HERC3: variants seen among roughly 807,000 people sequenced by gnomAD.
The protein encoded by HERC3 is probable E3 ubiquitin-protein ligase HERC3.
A neutral mutation model predicts 129.9 loss-of-function variants in HERC3; 58 were observed. The ratio of observed to expected loss-of-function variants is 0.45; its 90% CI spans 0.36 to 0.56. The LOEUF (loss-of-function observed/expected upper bound fraction) is 0.56, where lower values mean the gene tolerates loss of function less well. Among genes scored for constraint, HERC3 ranks in the 20% least tolerant of loss-of-function variants. The pLI, the probability that HERC3 is intolerant of heterozygous loss-of-function variation, is 0.00. For synonymous variants in HERC3, 430 were observed against 451.0 expected (o/e 0.95, Z 0.59); for missense variants, 835 against 1,244.2 (o/e 0.67, Z 4.95).
the HERC3 span, among the ~76,000 whole-genome samples, chr4:88,542,243 A>G: frequency 2.0e-5 from 3 of 152,214 alleles, no homozygotes; most frequent in Non-Finnish European, 2.9e-5. Context: ...GATGCAATAA[A>G]AAATGATAAA....
chr4:88,529,527 C>T, the HERC3 span, among the ~76,000 whole-genome samples: 3 of 152,034 alleles, frequency 2.0e-5, no homozygotes, highest in South Asian at 6.2e-4. Context: ...AGGCCAAGGC[C>T]GGTGGATCAC....
At chr4:88,569,800 C>T in the HERC3 span, among the ~76,000 whole-genome samples, 4 of 152,222 alleles carry the variant, frequency 2.6e-5, no homozygotes, top group Admixed American at 6.5e-5. Context: ...GCCTCCCCAG[C>T]GCTCCAGGTT....
At chr4:88,655,768 T>TAG in intron 8 of HERC3, 107 bp from the exon 9 acceptor site, 2 of 1,135,362 alleles carry the variant, frequency 1.8e-6, no homozygotes, top group Non-Finnish European at 2.5e-6. Flanking sequence ...GGAAAGGCTC[T>TAG]ATAGGAGCAC....
chr4:88,607,862 ATCT>A (rs1297757726), intron 3 of HERC3, among the ~76,000 whole-genome samples: 2 of 152,210 alleles, frequency 1.3e-5, no homozygotes, highest in African/African-American at 4.8e-5. Flanking sequence ...GTGTAAATGA[ATCT>A]TCTTTTGGTG....
At chr4:88,602,402 CAAAAAAAAAA>C (rs112656963) in intron 2 of HERC3, among the ~76,000 whole-genome samples, 3 of 51,196 alleles carry the variant, frequency 5.9e-5, no homozygotes, top group South Asian at 9.8e-4. Context: ...ACTTGGTCTC[CAAAAAAAAAA>C]AAAAAAAAAA....
At position 88,684,191 on chromosome 4, in the gene HERC3, A is replaced by G. The variant is rs1233436619; in HGVS notation, c.2508-2545A>G. Among the ~76,000 whole-genome samples the G allele has an allele frequency of 2.6e-5, 4 of 152,180 alleles. No homozygotes were observed. The East Asian group carries it at 5.8e-4, about 22-fold the overall frequency. ...ATCCTAAGCAAAAGCAAAGCTGGAG[A>G]CATTACGCTACTTGACTTCAAACTA... On this transcript the variant is annotated intron_variant, in intron 21 of 25. Coordinates refer to ENST00000402738, the MANE Select transcript of HERC3 (RefSeq NM_014606.3).
At chr4:88,530,243 T>TGA in the HERC3 span, among the ~76,000 whole-genome samples, 1 of 151,576 alleles carries the variant, frequency 6.6e-6, no homozygotes, top group African/African-American at 2.4e-5. Context: ...TGAGCCAAGA[T>TGA]CGTGCCACTG....
chr4:88,551,827 A>G, the HERC3 span, among the ~76,000 whole-genome samples: 1 of 152,170 alleles, frequency 6.6e-6, no homozygotes, highest in Admixed American at 6.5e-5. Context: ...ATAAAGATAC[A>G]TGCACACGTA....
chr4:88,647,675 A>C (rs1314039767), intron 3 of HERC3, among the ~76,000 whole-genome samples: 4 of 152,040 alleles, frequency 2.6e-5, no homozygotes, highest in African/African-American at 9.7e-5. Context: ...TGGCATGAGC[A>C]TATTTTCAGT....
the HERC3 span, chr4:88,527,733 C>A: frequency 3.3e-6 from 1 of 307,180 alleles, no homozygotes; most frequent in East Asian, 9.9e-5. Flanking sequence ...TAGGTTCTGT[C>A]AAGAAAAACA....
the HERC3 span, among the ~76,000 whole-genome samples, chr4:88,572,942 C>T: frequency 6.6e-6 from 1 of 152,084 alleles, no homozygotes; most frequent in Non-Finnish European, 1.5e-5. Flanking sequence ...AACAGATTCT[C>T]TTATCTGAAA....
chr4:88,672,356 A>G (rs576690053), intron 16 of HERC3, among the ~76,000 whole-genome samples: 10 of 152,306 alleles, frequency 6.6e-5, no homozygotes, highest in Admixed American at 3.9e-4. Flanking sequence ...TTCAATAACT[A>G]TAATAGTTAT....
intron 12 of HERC3, among the ~76,000 whole-genome samples, chr4:88,667,072 T>G (rs1013038785): frequency 6.6e-6 from 1 of 152,174 alleles, no homozygotes; most frequent in Non-Finnish European, 1.5e-5. Context: ...GTTTATAAAC[T>G]TCAAGATAGC....
chr4:88,589,977 C>T (rs1013784384), upstream of HERC3, among the ~76,000 whole-genome samples: 5 of 152,168 alleles, frequency 3.3e-5, no homozygotes, highest in African/African-American at 1.2e-4. Context: ...ATATGAAAAA[C>T]ACTTGAGCCG....
At chr4:88,706,632 G>T (rs1735804813) in intron 25 of HERC3, 120 bp from the exon 26 acceptor site, 3 of 720,372 alleles carry the variant, frequency 4.2e-6, no homozygotes, top group Non-Finnish European at 7.2e-6. Context: ...GCACATAAAT[G>T]TAATTGTACT....
intron 6 of HERC3, 58 bp from the exon 7 acceptor site, chr4:88,653,984 T>C (rs971316474): frequency 6.5e-6 from 8 of 1,229,732 alleles, no homozygotes; most frequent in Admixed American, 1.7e-5. Flanking sequence ...AAGATAGTTG[T>C]GTATATTTCA....
intron 21 of HERC3, chr4:88,684,846 C>T (rs3017912): frequency 4.6e-5 from 7 of 151,966 alleles, no homozygotes; most frequent in African/African-American, 1.5e-4. Flanking sequence ...GACTTTTTTT[C>T]AAAAAATATG....
chr4:88,547,045 T>C, the HERC3 span, among the ~76,000 whole-genome samples: 7,227 of 152,250 alleles, frequency 0.047, 417 homozygotes, highest in East Asian at 0.28. Context: ...TTAACCTTTT[T>C]TTCTTTCTTT....
At chr4:88,601,809 C>T (rs1369470858) in intron 2 of HERC3, among the ~76,000 whole-genome samples, 1 of 91,722 alleles carries the variant, frequency 1.1e-5, no homozygotes, top group Non-Finnish European at 1.7e-5. Flanking sequence ...GTAATCCCAG[C>T]ACTTTGGGAG....
Sources: gnomAD v4.1 joint callset for allele counts (sites outside exome capture counted in the v4.1 genomes callset) on GRCh38, gnomAD v4.1.1 for gene constraint, MANE v1.5 for transcripts, NCBI Gene and HGNC (gene_info 2026-07-23, HGNC 2026-07-21) for gene names.